Variants in TENM2 observed in about 807,000 individuals in gnomAD.
TENM2 encodes the protein teneurin-2.
In TENM2, 52 loss-of-function variants were observed where a neutral mutation model predicts 245.2. The ratio of observed to expected loss-of-function variants is 0.21; its 90% CI spans 0.17 to 0.27. The LOEUF (loss-of-function observed/expected upper bound fraction) is 0.27. Among genes scored for constraint, TENM2 ranks in the 10% least tolerant of loss-of-function variants. The pLI, the probability that TENM2 is intolerant of heterozygous loss-of-function variation, is 1.00. For missense variants in TENM2, 3,046 were observed against 3,666.8 expected (o/e 0.83, Z 4.37); for synonymous variants, 1,363 against 1,438.9 (o/e 0.95, Z 1.19).
chr5:168,002,591 TACAA>T (rs1349613868), intron 5 of TENM2, among the ~76,000 whole-genome samples: 3 of 152,226 alleles, frequency 2.0e-5, no homozygotes, highest in South Asian at 2.1e-4. Flanking sequence ...CACCAAATTT[TACAA>T]ACAGACTTCT....
intron 5 of TENM2, among the ~76,000 whole-genome samples, chr5:168,041,269 T>C (rs1260088053): frequency 1.3e-5 from 2 of 152,192 alleles, no homozygotes; most frequent in African/African-American, 2.4e-5. Flanking sequence ...CCTATTTCTT[T>C]ATCTATAAAA....
intron 2 of TENM2, among the ~76,000 whole-genome samples, chr5:167,871,093 C>T (rs1193060884): frequency 6.6e-6 from 1 of 151,990 alleles, no homozygotes; most frequent in Non-Finnish European, 1.5e-5. Context: ...AGTCAGGATC[C>T]AAATCAACTT....
At chr5:167,356,173 G>A (rs1759304771) in intron 1 of TENM2, among the ~76,000 whole-genome samples, 1 of 123,884 alleles carries the variant, frequency 8.1e-6, no homozygotes, top group Non-Finnish European at 1.6e-5. Context: ...GGGTGGCTGA[G>A]CGAGACTCCA....
intron 2 of TENM2, among the ~76,000 whole-genome samples, chr5:167,535,104 C>T (rs899899583): frequency 2.4e-4 from 37 of 151,932 alleles, no homozygotes; most frequent in African/African-American, 8.9e-4. Context: ...TCCTTTTCTG[C>T]TTGTACCTCT....
intron 4 of TENM2, among the ~76,000 whole-genome samples, chr5:167,989,045 T>C (rs1783457461): frequency 6.6e-6 from 1 of 152,188 alleles, no homozygotes; most frequent in Non-Finnish European, 1.5e-5. Context: ...TGTCCACAAA[T>C]ATGACTGATG....
chr5:167,287,819 C>T (rs1375150493), intron 1 of TENM2: 4 of 152,300 alleles, frequency 2.6e-5, no homozygotes, highest in South Asian at 2.1e-4. Flanking sequence ...GCTGGATCCT[C>T]CTGGTGTGAA....
At chr5:167,025,107 A>G in the TENM2 span, among the ~76,000 whole-genome samples, 2 of 152,238 alleles carry the variant, frequency 1.3e-5, no homozygotes, top group Admixed American at 6.5e-5. Flanking sequence ...GCAATCTAAT[A>G]GAAATATAAT....
the TENM2 span, among the ~76,000 whole-genome samples, chr5:167,158,522 G>A: frequency 2.6e-5 from 4 of 152,192 alleles, no homozygotes; most frequent in African/African-American, 4.8e-5. Context: ...CAACGAAAAA[G>A]CATTATTTTT....
the TENM2 span, among the ~76,000 whole-genome samples, chr5:167,095,540 C>T: frequency 2.0e-5 from 3 of 152,170 alleles, no homozygotes; most frequent in East Asian, 1.9e-4. Context: ...ATGTATACCA[C>T]GGAACCCCTG....
chr5:167,869,654 CA>C (rs1772641370), intron 2 of TENM2, among the ~76,000 whole-genome samples: 1 of 152,208 alleles, frequency 6.6e-6, no homozygotes, highest in Admixed American at 6.5e-5. Flanking sequence ...GCAGCTTCTG[CA>C]CTAGCAGGCC....
At chr5:167,729,206 T>C (rs991980741) in intron 2 of TENM2, 1 of 152,206 alleles carries the variant, frequency 6.6e-6, no homozygotes, top group African/African-American at 2.4e-5. Context: ...ATTGCCTCTT[T>C]GTCCAGATGT....
At chr5:167,113,692 A>C in the TENM2 span, among the ~76,000 whole-genome samples, 4 of 152,094 alleles carry the variant, frequency 2.6e-5, no homozygotes, top group Middle Eastern at 6.3e-3. Flanking sequence ...AGACTCCTCT[A>C]ACTTTATGTA....
the TENM2 span, among the ~76,000 whole-genome samples, chr5:167,250,514 G>A: frequency 1.3e-5 from 2 of 151,998 alleles, no homozygotes; most frequent in African/African-American, 4.8e-5. Context: ...CATAACATAT[G>A]TGACTTATGT....
chr5:167,750,368 C>T (rs1416941190), intron 2 of TENM2, among the ~76,000 whole-genome samples: 2 of 152,090 alleles, frequency 1.3e-5, no homozygotes, highest in Non-Finnish European at 2.9e-5. Flanking sequence ...GCATGTTTCT[C>T]CTTGACTCTT....
chr5:167,878,375 C>T (rs1773598811), intron 3 of TENM2, among the ~76,000 whole-genome samples: 1 of 152,096 alleles, frequency 6.6e-6, no homozygotes, highest in South Asian at 2.1e-4. Flanking sequence ...CCATTTTCAT[C>T]CCAAACAGGA....
intron 1 of TENM2, among the ~76,000 whole-genome samples, chr5:167,337,219 G>T (rs917486112): frequency 1.3e-5 from 2 of 149,394 alleles, no homozygotes; most frequent in African/African-American, 4.9e-5. Flanking sequence ...TGTAGTGTAC[G>T]TAAGACATAC....
At chr5:167,592,681 G>C (rs1190414004) in intron 2 of TENM2, among the ~76,000 whole-genome samples, 2 of 152,080 alleles carry the variant, frequency 1.3e-5, no homozygotes, top group African/African-American at 4.8e-5. Flanking sequence ...ACTTAAATTT[G>C]AAAGCTTTTG....
At chr5:167,009,501 A>G in the TENM2 span, among the ~76,000 whole-genome samples, 2 of 152,202 alleles carry the variant, frequency 1.3e-5, no homozygotes, top group Non-Finnish European at 2.9e-5. Context: ...AAAATGTCTA[A>G]TTAATAATAT....
intron 2 of TENM2, among the ~76,000 whole-genome samples, chr5:167,394,098 G>T (rs192953258): frequency 2.6e-5 from 4 of 152,254 alleles, no homozygotes; most frequent in Non-Finnish European, 5.9e-5. Flanking sequence ...TTTGTTGCTA[G>T]TATTCTTTGC....
Sources: allele counts gnomAD v4.1 joint callset (sites outside exome capture counted in the v4.1 genomes callset), GRCh38; gene constraint gnomAD v4.1.1; transcripts MANE v1.5; gene names NCBI Gene and HGNC (gene_info 2026-07-23, HGNC 2026-07-21).